NPIPB2: variants seen among roughly 807,000 people sequenced by gnomAD.
NPIPB2 encodes nuclear pore complex-interacting protein family member B2.
Under a neutral mutation model 30.8 loss-of-function variants are expected in NPIPB2, and 27 were observed. That is an observed-to-expected ratio of 0.88 (90% CI 0.65 to 1.21). NPIPB2 has a LOEUF of 1.21. Ranked by LOEUF, NPIPB2 falls within the 50% of genes most tolerant of loss-of-function variation. The pLI, the probability that NPIPB2 is intolerant of heterozygous loss-of-function variation, is 0.00. For synonymous variants in NPIPB2, 147 were observed against 162.0 expected, an observed-to-expected ratio of 0.91 and a Z score of 0.70; for missense variants, 440 against 446.2, an observed-to-expected ratio of 0.99 and a Z score of 0.13.
At chr16:11,971,057 A>G (rs2055232527) in intron 1 of NPIPB2, among the ~76,000 whole-genome samples, 1 of 148,070 alleles carries the variant, frequency 6.8e-6, no homozygotes, top group Non-Finnish European at 1.5e-5. Context: ...GAGTTTCGCC[A>G]TGTTGCCAAG....
At chr16:11,954,749 T>C (rs545292215) in intron 1 of NPIPB2, among the ~76,000 whole-genome samples, 189 of 151,456 alleles carry the variant, frequency 1.2e-3, no homozygotes, top group Non-Finnish European at 2.0e-3. Flanking sequence ...CTACTAAAAA[T>C]ACAAAAAAAT....
At chr16:11,951,407 T>C (rs2055060472) in intron 1 of NPIPB2, among the ~76,000 whole-genome samples, 1 of 124,934 alleles carries the variant, frequency 8.0e-6, no homozygotes, top group African/African-American at 3.1e-5. Flanking sequence ...GAGCTTGCAG[T>C]GAGCCGAGAT....
chr16:11,950,362 G>T (rs895121676), intron 1 of NPIPB2, among the ~76,000 whole-genome samples: 10 of 152,116 alleles, frequency 6.6e-5, no homozygotes, highest in Middle Eastern at 3.4e-3. Context: ...AAGAGATAGG[G>T]TCTTATTATG....
At chr16:11,956,690 G>T (rs905350414) in intron 1 of NPIPB2, among the ~76,000 whole-genome samples, 3 of 152,130 alleles carry the variant, frequency 2.0e-5, no homozygotes, top group Admixed American at 6.6e-5. Flanking sequence ...GAAAAGAAAA[G>T]AAAAGAAATG....
At chr16:11,943,825 C>T (rs186172524), upstream of NPIPB2, among the ~76,000 whole-genome samples, 5 of 150,758 alleles carry the variant, frequency 3.3e-5, no homozygotes, top group Admixed American at 6.6e-5. Flanking sequence ...GGTGAAACCC[C>T]GTCTCTACTA....
chr16:11,961,004 T>C (rs1438252356), intron 1 of NPIPB2, among the ~76,000 whole-genome samples: 1 of 151,838 alleles, frequency 6.6e-6, no homozygotes, highest in Non-Finnish European at 1.5e-5. Context: ...GTAGCTGGGA[T>C]TATGCACGCC....
At chr16:11,955,524 A>G (rs963157209) in intron 1 of NPIPB2, among the ~76,000 whole-genome samples, 1 of 151,734 alleles carries the variant, frequency 6.6e-6, no homozygotes, top group Non-Finnish European at 1.5e-5. Context: ...CCTGGCCAAC[A>G]TGGTGAAACC....
At chr16:11,959,168 T>A (rs559395504) in intron 1 of NPIPB2, among the ~76,000 whole-genome samples, 19 of 152,242 alleles carry the variant, frequency 1.2e-4, no homozygotes, top group African/African-American at 4.6e-4. Flanking sequence ...GAGGCTGGTG[T>A]GAGTACTGGA....
chr16:11,966,250 G>A lies in NPIPB2; in HGVS notation c.-584+10318C>T, dbSNP rs766069132. On this transcript the variant is annotated intron_variant, in intron 1 of 5. Coordinates refer to the NPIPB2 transcript ENST00000538896. The stretch of plus-strand genomic sequence containing the variant: ...CGATTCTCTGGACCTGTTTGGGACT[G>A]AGCTTAATAATTTCTTTGGCAGTTT... The A allele has an allele frequency of 1.2e-5, 20 of 1,613,972 alleles. No homozygotes were observed. In the South Asian group the frequency reaches 2.0e-4, roughly 16 times the overall value.
At chr16:11,932,813 T>TAAAAA (rs2054808833) in intron 4 of NPIPB2, among the ~76,000 whole-genome samples, 1 of 38,046 alleles carries the variant, frequency 2.6e-5, no homozygotes. Flanking sequence ...AAAAAAAAAT[T>TAAAAA]GGCCAAATGT....
At chr16:11,975,182 C>T (rs1175455819) in intron 1 of NPIPB2, among the ~76,000 whole-genome samples, 39 of 59,682 alleles carry the variant, frequency 6.5e-4, no homozygotes, top group Non-Finnish European at 2.9e-5. Context: ...GAGTCTCGCT[C>T]TGTCGCCCAG....
intron 2 of NPIPB2, among the ~76,000 whole-genome samples, chr16:11,934,128 G>T (rs1439728024): frequency 1.3e-5 from 2 of 151,842 alleles, no homozygotes; most frequent in Non-Finnish European, 2.9e-5. Context: ...CTACTCGGGA[G>T]GCTGAGGCAG....
intron 1 of NPIPB2, among the ~76,000 whole-genome samples, chr16:11,974,889 C>T (rs1409991239): frequency 3.3e-5 from 5 of 151,908 alleles, no homozygotes; most frequent in East Asian, 2.0e-4. Context: ...CTGGCTAACA[C>T]GTTGAAACCC....
chr16:11,932,169 T>TC (rs1239191325), intron 4 of NPIPB2, among the ~76,000 whole-genome samples: 4 of 151,794 alleles, frequency 2.6e-5, no homozygotes, highest in African/African-American at 9.7e-5. Flanking sequence ...CCCCTGACCA[T>TC]CCCCCAGAAG....
chr16:11,954,457 G>T (rs1256639445), intron 1 of NPIPB2, among the ~76,000 whole-genome samples: 1 of 142,652 alleles, frequency 7.0e-6, no homozygotes, highest in Non-Finnish European at 1.5e-5. Context: ...CAGCCTGGGT[G>T]ACAGAGTAAG....
chr16:11,934,226 T>TCA (rs766087820), intron 2 of NPIPB2, among the ~76,000 whole-genome samples: 45,062 of 121,546 alleles, frequency 0.37, 8,182 homozygotes, highest in East Asian at 0.6. Context: ...TGAGACTCTG[T>TCA]CACACACACA....
At chr16:11,955,129 T>C (rs776340334) in intron 1 of NPIPB2, among the ~76,000 whole-genome samples, 2 of 151,614 alleles carry the variant, frequency 1.3e-5, no homozygotes, top group African/African-American at 2.4e-5. Flanking sequence ...AATCCCAGCA[T>C]GGTGGATTGA....
At chr16:11,952,047 T>C (rs2150928502) in intron 1 of NPIPB2, among the ~76,000 whole-genome samples, 1 of 151,094 alleles carries the variant, frequency 6.6e-6, no homozygotes, top group African/African-American at 2.4e-5. Flanking sequence ...TAGTCCCAGC[T>C]ACTTGGGAGG....
chr16:11,940,169 G>A (rs1263033351), intron 1 of NPIPB2, among the ~76,000 whole-genome samples: 1 of 96,148 alleles, frequency 1.0e-5, no homozygotes, highest in East Asian at 2.7e-4. Flanking sequence ...TGACCAACAT[G>A]GAGAAACCTT....
Sources: gnomAD v4.1 joint callset for allele counts (sites outside exome capture counted in the v4.1 genomes callset) on GRCh38, gnomAD v4.1.1 for gene constraint, MANE v1.5 for transcripts, NCBI Gene and HGNC (gene_info 2026-07-23, HGNC 2026-07-21) for gene names.